ABCD3: variants seen among roughly 807,000 people sequenced by gnomAD.
ABCD3 encodes ATP-binding cassette sub-family D member 3.
ABCD3 carries 41 observed loss-of-function variants against 105.5 expected under a neutral mutation model. The ratio of observed to expected loss-of-function variants is 0.39; its 90% CI spans 0.30 to 0.50. The LOEUF (loss-of-function observed/expected upper bound fraction) is 0.50. ABCD3 is among the 20% of genes least tolerant of loss of function. The pLI, the probability that ABCD3 is intolerant of heterozygous loss-of-function variation, is 0.84. For synonymous variants in ABCD3, 258 were observed against 269.0 expected, an observed-to-expected ratio of 0.96 and a Z score of 0.40; for missense variants, 622 against 806.3, an observed-to-expected ratio of 0.77 and a Z score of 2.77.
intron 10 of ABCD3, among the ~76,000 whole-genome samples, chr1:94,484,221 A>T (rs1463274197): frequency 1.3e-5 from 2 of 152,342 alleles, no homozygotes; most frequent in African/African-American, 4.8e-5. Flanking sequence ...ATTGTGGAAG[A>T]CAGTGTGGCA....
chr1:94,437,602 T>C (rs1262932043), intron 1 of ABCD3, among the ~76,000 whole-genome samples: 1 of 152,242 alleles, frequency 6.6e-6, no homozygotes. Flanking sequence ...ACAAGGAGAT[T>C]AATGTTGTTT....
chr1:94,478,962 T>G (rs184024685), intron 8 of ABCD3, among the ~76,000 whole-genome samples: 5 of 152,316 alleles, frequency 3.3e-5, no homozygotes, highest in Admixed American at 3.3e-4. Context: ...AAATGTAACT[T>G]TAGTCATTTA....
intron 16 of ABCD3, among the ~76,000 whole-genome samples, chr1:94,493,749 A>G (rs1168620732): frequency 6.6e-6 from 1 of 152,210 alleles, no homozygotes; most frequent in Non-Finnish European, 1.5e-5. Flanking sequence ...TACACCATGG[A>G]ATACTATGCA....
intron 21 of ABCD3, among the ~76,000 whole-genome samples, chr1:94,512,517 TAG>T (rs371589829): frequency 1.3e-3 from 204 of 152,134 alleles, no homozygotes; most frequent in African/African-American, 4.6e-3. Flanking sequence ...CCTCATTACT[TAG>T]AGTTAATAAA....
chr1:94,458,665 T>A (rs1440120439), intron 2 of ABCD3, 22 bp downstream of exon 2: 1 of 1,601,974 alleles, frequency 6.2e-7, no homozygotes, highest in African/African-American at 1.3e-5. Context: ...AATCATCTTC[T>A]TTTTGGGATT....
intron 1 of ABCD3, among the ~76,000 whole-genome samples, chr1:94,448,855 C>T (rs553970845): frequency 1.3e-5 from 2 of 152,302 alleles, no homozygotes; most frequent in South Asian, 4.1e-4. Flanking sequence ...ATGAATCTGT[C>T]CCTGAAACAG....
intron 1 of ABCD3, among the ~76,000 whole-genome samples, chr1:94,447,401 G>A (rs1429686226): frequency 1.3e-5 from 2 of 152,142 alleles, no homozygotes; most frequent in Admixed American, 1.3e-4. Flanking sequence ...AAAAAAATTG[G>A]CCTTTAATAG....
chr1:94,506,712 C>T (rs1219213765), intron 21 of ABCD3, 70 bp downstream of exon 21: 79 of 1,160,262 alleles, frequency 6.8e-5, no homozygotes, highest in Non-Finnish European at 9.7e-5. Context: ...CCAAATCTGT[C>T]CAAAGAGAAG....
Position 94,517,954 on chromosome 1 carries a change from A to G in ABCD3, c.*825A>G, listed in dbSNP as rs1296358079. ...ACAAATTTGTGTGTGTTAGAAGCCC[A>G]TTCATTAGAAGTGTGGTGGTTATTT... On this transcript the variant is annotated 3_prime_UTR_variant, in exon 23 of 23. Transcript: ENST00000370214. The G allele has an allele frequency of 6.6e-6, 1 of 151,872 alleles. No individual in the cohort carries two copies. Among genetic ancestry groups the G allele is most frequent in the Admixed American group, 6.6e-5 (1 of 15,206 alleles). 9.4% of individuals were successfully genotyped at this position (151,872 alleles called of 1,614,324 possible).
At chr1:94,402,937 A>G in the ABCD3 span, among the ~76,000 whole-genome samples, 18 of 144,736 alleles carry the variant, frequency 1.2e-4, no homozygotes, top group East Asian at 4.3e-4. Flanking sequence ...ATATCTCCCA[A>G]TGCTATCCCT....
chr1:94,499,696 TA>T (rs1423561374), intron 20 of ABCD3, 82 bp downstream of exon 20: 31 of 1,551,736 alleles, frequency 2.0e-5, no homozygotes, highest in Middle Eastern at 1.7e-4. Context: ...TTTCATCTTA[TA>T]TTTTTTTATT....
At chr1:94,445,543 G>A (rs981034590) in intron 1 of ABCD3, among the ~76,000 whole-genome samples, 1 of 152,132 alleles carries the variant, frequency 6.6e-6, no homozygotes. Context: ...AGGTTTGTTT[G>A]CCACCTAAAG....
At chr1:94,498,346 A>G (rs1019815764) in intron 16 of ABCD3, among the ~76,000 whole-genome samples, 2 of 152,108 alleles carry the variant, frequency 1.3e-5, no homozygotes, top group African/African-American at 4.8e-5. Flanking sequence ...TGCTGAGATT[A>G]TGGGTGTGAG....
chr1:94,396,590 A>AGTGTGT, the ABCD3 span, among the ~76,000 whole-genome samples: 320 of 151,358 alleles, frequency 2.1e-3, no homozygotes, highest in African/African-American at 7.2e-3. Flanking sequence ...TGTGAATAGA[A>AGTGTGT]GTGTGTGTGT....
Position 94,491,061 on chromosome 1 carries a change from T to C in ABCD3, c.1323-123T>C, listed in dbSNP as rs1649512561. On this transcript the variant is annotated intron_variant, in intron 15 of 22. Transcript: ENST00000370214. ...GCCTGTTGGCCATCTGAATTTCTTCTTTTAAGAAGTGTTTAAGCTCTTTGC... is the reference window on the plus strand; with the variant it reads ...GCCTGTTGGCCATCTGAATTTCTTCCTTTAAGAAGTGTTTAAGCTCTTTGC... 8.8e-6 allele frequency: 6 copies of C among 683,590 alleles called. No homozygotes were observed. The South Asian group carries it at 9.2e-5, about 10-fold the overall frequency. 42.3% of individuals were successfully genotyped at this position (683,590 alleles called of 1,614,324 possible).
Position 94,458,661 on chromosome 1 carries a change from C to T in ABCD3, c.147+18C>T. On this transcript the variant is annotated intron_variant, in intron 2 of 22. Transcript: ENST00000370214. ...ACAATGAGGTAAAAGTTTAAATCAT[C>T]TTCTTTTTGGGATTTCATGCATTTA... 2 of 1,606,124 alleles carry T rather than the reference C, an allele frequency of 1.2e-6. No individual in the cohort carries two copies. The highest frequency in any genetic ancestry group is 1.7e-6 in the Non-Finnish European group (2 of 1,173,848).
intron 2 of ABCD3, among the ~76,000 whole-genome samples, chr1:94,463,250 C>T (rs756418163): frequency 6.6e-6 from 1 of 152,216 alleles, no homozygotes; most frequent in Non-Finnish European, 1.5e-5. Context: ...CCAGTTCCTC[C>T]TATTGTAGTC....
intron 1 of ABCD3, among the ~76,000 whole-genome samples, chr1:94,438,301 TACACACACACACACACACACACACAC>T (rs58959540): frequency 1.6e-5 from 2 of 128,202 alleles, no homozygotes; most frequent in African/African-American, 5.7e-5. Context: ...CACACACACA[TACACACACACACACACACACACACAC>T]ACACACACAC....
In ABCD3 at chr1:94,498,617, A is replaced by G. The variant is rs1649944791; in HGVS notation, c.1402A>G (p.Asn468Asp). Residue 468 changes from asparagine (N) to aspartate (D), a missense_variant, in exon 17 of 23, where the codon AAT (asparagine) becomes GAT (aspartate). This residue lies in a region of ABCD3 where 285 missense variants were observed against 352.5 expected (regional missense o/e 0.81). Coordinates refer to ENST00000370214, the MANE Select transcript of ABCD3 (RefSeq NM_002858.4). ...DLNFEVRSGANVLICGPNGCG... is the reference protein window; with the variant it reads ...DLNFEVRSGADVLICGPNGCG... ...TTTTTTTCAGGTTCGATCTGGGGCT[A>G]ATGTTCTAATTTGTGGTCCAAATGG... 3 of 1,611,308 alleles carry G rather than the reference A, an allele frequency of 1.9e-6. No individual in the cohort carries two copies. Among genetic ancestry groups the G allele is most frequent in the South Asian group, 1.1e-5 (1 of 90,946 alleles).
Sources: allele counts gnomAD v4.1 joint callset (sites outside exome capture counted in the v4.1 genomes callset), GRCh38; gene constraint gnomAD v4.1.1; regional missense constraint gnomAD v4.1.1; transcripts MANE v1.5; gene names NCBI Gene and HGNC (gene_info 2026-07-23, HGNC 2026-07-21).